The following GRM5 variants were observed in gnomAD, a reference collection of about 807,000 sequenced individuals.
GRM5 encodes metabotropic glutamate receptor 5.
In GRM5, 19 loss-of-function variants were observed where a neutral mutation model predicts 83.1. The observed-to-expected ratio is 0.23, with a 90% CI of 0.16 to 0.34. The LOEUF (loss-of-function observed/expected upper bound fraction) is 0.34. Among genes scored for constraint, GRM5 ranks in the 10% least tolerant of loss-of-function variants. The pLI is 1.00. For missense variants in GRM5, 1,160 were observed against 1,588.3 expected (o/e 0.73, Z 4.58); for synonymous variants, 675 against 633.6 (o/e 1.07, Z -0.98).
chr11:88,683,955 G>A (rs908327199), intron 3 of GRM5, among the ~76,000 whole-genome samples: 5 of 152,194 alleles, frequency 3.3e-5, no homozygotes, highest in African/African-American at 9.6e-5. Context: ...TAATGCTGGA[G>A]GGGATTGTGG....
chr11:88,915,195 G>T (rs764333532), intron 2 of GRM5, among the ~76,000 whole-genome samples: 2 of 152,052 alleles, frequency 1.3e-5, no homozygotes, highest in African/African-American at 2.4e-5. Flanking sequence ...GAAGGAGGAG[G>T]ACAGAGAGGA....
chr11:88,939,995 G>T (rs1457268272), intron 2 of GRM5, among the ~76,000 whole-genome samples: 1 of 151,866 alleles, frequency 6.6e-6, no homozygotes, highest in Non-Finnish European at 1.5e-5. Flanking sequence ...AAAGGAATCA[G>T]ATTGTAGAAT....
intron 3 of GRM5, among the ~76,000 whole-genome samples, chr11:88,770,125 A>T (rs1278982708): frequency 6.6e-6 from 1 of 152,118 alleles, no homozygotes; most frequent in African/African-American, 2.4e-5. Context: ...ATTTGGAGAC[A>T]TTCTAAAAAA....
At chr11:88,960,326 A>G (rs1378566836) in intron 2 of GRM5, among the ~76,000 whole-genome samples, 2 of 152,174 alleles carry the variant, frequency 1.3e-5, no homozygotes, top group African/African-American at 2.4e-5. Context: ...GTCAGGCTCT[A>G]TTCTAAGTAC....
intron 3 of GRM5, among the ~76,000 whole-genome samples, chr11:88,845,305 C>G (rs1391578254): frequency 7.0e-6 from 1 of 142,338 alleles, no homozygotes; most frequent in Admixed American, 7.1e-5. Context: ...CCACTGAAGG[C>G]TCAGATGATC....
At chr11:88,946,617 T>C (rs1029195962) in intron 2 of GRM5, among the ~76,000 whole-genome samples, 1 of 152,006 alleles carries the variant, frequency 6.6e-6, no homozygotes, top group Non-Finnish European at 1.5e-5. Context: ...AAACATTGAG[T>C]ACCCACTGAC....
chr11:89,015,824 C>A (rs1029794977), intron 2 of GRM5, among the ~76,000 whole-genome samples: 12 of 152,124 alleles, frequency 7.9e-5, no homozygotes, highest in Non-Finnish European at 7.4e-5. Context: ...GGAAGACTAC[C>A]AGGCAGCACC....
intron 3 of GRM5, among the ~76,000 whole-genome samples, chr11:88,775,087 G>T (rs1022857061): frequency 6.6e-6 from 1 of 152,040 alleles, no homozygotes; most frequent in Non-Finnish European, 1.5e-5. Context: ...TTTTTGGTTG[G>T]TAGGCTATTC....
chr11:88,709,725 A>G (rs1941241196), intron 3 of GRM5, among the ~76,000 whole-genome samples: 1 of 152,104 alleles, frequency 6.6e-6, no homozygotes. Context: ...TTTCCGGGCA[A>G]GCTTGTGCTT....
At chr11:88,976,877 A>T (rs1939357777) in intron 2 of GRM5, among the ~76,000 whole-genome samples, 1 of 151,984 alleles carries the variant, frequency 6.6e-6, no homozygotes, top group African/African-American at 2.4e-5. Flanking sequence ...AAATACTTAG[A>T]TATGCTATTT....
chr11:88,884,468 T>C (rs1410148836), intron 2 of GRM5, among the ~76,000 whole-genome samples: 1 of 152,188 alleles, frequency 6.6e-6, no homozygotes, highest in Admixed American at 6.5e-5. Flanking sequence ...TTGTCTCAGA[T>C]GAGACTTTGG....
intron 8 of GRM5, among the ~76,000 whole-genome samples, chr11:88,536,675 T>G (rs1942142046): frequency 6.6e-6 from 1 of 152,182 alleles, no homozygotes; most frequent in Non-Finnish European, 1.5e-5. Flanking sequence ...ATCAAACATC[T>G]ACCTCTAGAT....
intron 3 of GRM5, among the ~76,000 whole-genome samples, chr11:88,746,002 A>G (rs1292789946): frequency 6.6e-6 from 1 of 152,190 alleles, no homozygotes; most frequent in Non-Finnish European, 1.5e-5. Flanking sequence ...TTGAGTAAAA[A>G]TTAGAAGAAA....
intron 2 of GRM5, among the ~76,000 whole-genome samples, chr11:89,003,749 TA>T (rs1437363421): frequency 6.6e-6 from 1 of 152,160 alleles, no homozygotes. Flanking sequence ...TGGCCAGAAG[TA>T]AATTGAAGCT....
At position 88,898,144 on chromosome 11, in the gene GRM5, A is replaced by C. The variant is rs911322175; in HGVS notation, c.662-47989T>G. Among the ~76,000 whole-genome samples the C allele has an allele frequency of 2.0e-5, 3 of 151,980 alleles. No homozygotes were observed. In the South Asian group the frequency reaches 6.2e-4, roughly 32 times the overall value. ...TTGGTGTTCCTTGGCCTATGGATGCATCACTCCAATCCTCCATCTTCACAT... is the reference window on the plus strand; with the variant it reads ...TTGGTGTTCCTTGGCCTATGGATGCCTCACTCCAATCCTCCATCTTCACAT... On this transcript the variant is annotated intron_variant, in intron 2 of 9. Transcript: ENST00000305447.
chr11:88,945,307 G>T (rs1204353690), intron 2 of GRM5, among the ~76,000 whole-genome samples: 1 of 151,912 alleles, frequency 6.6e-6, no homozygotes, highest in Admixed American at 6.6e-5. Flanking sequence ...TTATTAAAAT[G>T]GACATACTGC....
rs948616557 is a variant in GRM5, at chr11:88,706,574, C to G, written c.912-53171G>C. On this transcript the variant is annotated intron_variant, in intron 3 of 9. Coordinates refer to ENST00000305447, the MANE Select transcript of GRM5 (RefSeq NM_001143831.3). ...CTAACCCAGGAAATTTTGGAAGGTG[C>G]TATTAATAATTTTCCTGTGATGATA... Among the ~76,000 whole-genome samples, 16 of 152,188 alleles carry G rather than the reference C, an allele frequency of 1.1e-4. No individual in the cohort carries two copies. In the East Asian group the frequency reaches 3.1e-3, roughly 29 times the overall value.
At chr11:88,958,905 T>C (rs933623726) in intron 2 of GRM5, among the ~76,000 whole-genome samples, 1 of 152,162 alleles carries the variant, frequency 6.6e-6, no homozygotes, top group Non-Finnish European at 1.5e-5. Context: ...ATTTTTAGTG[T>C]GAAGGGTGGC....
intron 2 of GRM5, among the ~76,000 whole-genome samples, chr11:88,854,077 T>TATATATATATATAC (rs927592084): frequency 4.7e-5 from 7 of 149,286 alleles, no homozygotes; most frequent in Non-Finnish European, 8.9e-5. Flanking sequence ...TATATATATA[T>TATATATATATATAC]ACACAATGAA....
Sources: allele counts gnomAD v4.1 joint callset (sites outside exome capture counted in the v4.1 genomes callset), GRCh38; gene constraint gnomAD v4.1.1; transcripts MANE v1.5; gene names NCBI Gene and HGNC (gene_info 2026-07-23, HGNC 2026-07-21).